The following LIPA variants were observed in gnomAD, a reference collection of about 807,000 sequenced individuals.
The protein encoded by LIPA is lysosomal acid lipase/cholesteryl ester hydrolase.
In LIPA, 26 loss-of-function variants were observed where a neutral mutation model predicts 40.6. The observed-to-expected ratio is 0.64, with a 90% CI of 0.47 to 0.89. The LOEUF is 0.89. Among genes scored for constraint, LIPA ranks in the 40% least tolerant of loss-of-function variants. The probability of loss-of-function intolerance (pLI) is 0.00; values close to 1 mark genes in which losing one functional copy is unlikely to be tolerated. For synonymous variants in LIPA, 188 were observed against 168.4 expected (o/e 1.12, Z -0.90); for missense variants, 455 against 479.6 (o/e 0.95, Z 0.48).
At chr10:89,352,024 G>C (rs551850820) in intron 2 of LIPA, among the ~76,000 whole-genome samples, 3 of 152,158 alleles carry the variant, frequency 2.0e-5, no homozygotes, top group Non-Finnish European at 4.4e-5. Context: ...GCCCGGCCAC[G>C]ATGGAATGTA....
intron 2 of LIPA, chr10:89,384,593 A>G (rs1468142778): frequency 6.2e-7 from 1 of 1,614,110 alleles, no homozygotes; most frequent in Non-Finnish European, 8.5e-7. Flanking sequence ...AAATTGGCTA[A>G]AAGATGTATT....
At chr10:89,413,325 C>G (rs1164426263) in intron 1 of LIPA, among the ~76,000 whole-genome samples, 2 of 152,082 alleles carry the variant, frequency 1.3e-5, no homozygotes, top group Non-Finnish European at 2.9e-5. Context: ...CTGTATAAGA[C>G]AGTACAACTG....
intron 1 of LIPA, among the ~76,000 whole-genome samples, chr10:89,304,612 T>C (rs894914776): frequency 6.6e-6 from 1 of 152,186 alleles, no homozygotes; most frequent in Non-Finnish European, 1.5e-5. Flanking sequence ...AAAAAAAATT[T>C]AAATAAGAAA....
At chr10:89,304,266 T>C (rs1537289) in intron 1 of LIPA, among the ~76,000 whole-genome samples, 100,846 of 152,086 alleles carry the variant, frequency 0.66, 35,556 homozygotes, top group East Asian at 0.98. Context: ...TAACCCCAGG[T>C]GCGGGAGCCC....
At chr10:89,300,757 C>T (rs754526831) in intron 1 of LIPA, among the ~76,000 whole-genome samples, 53 of 152,274 alleles carry the variant, frequency 3.5e-4, no homozygotes, top group African/African-American at 6.7e-4. Flanking sequence ...CAGGCCAAGG[C>T]GGGCAGATCA....
chr10:89,376,187 T>TAAAA (rs66954730), intron 2 of LIPA, among the ~76,000 whole-genome samples: 188 of 102,240 alleles, frequency 1.8e-3, no homozygotes, highest in African/African-American at 4.5e-3. Flanking sequence ...GACTCTATCT[T>TAAAA]AAAAAAAAAA....
At chr10:89,235,976 T>C (rs1842900292) in intron 3 of LIPA, among the ~76,000 whole-genome samples, 1 of 152,172 alleles carries the variant, frequency 6.6e-6, no homozygotes, top group African/African-American at 2.4e-5. Flanking sequence ...ATACATGGAT[T>C]TTTTTTCAAT....
chr10:89,393,401 T>C (rs1168659691), intron 2 of LIPA: 3 of 827,324 alleles, frequency 3.6e-6, no homozygotes, highest in Non-Finnish European at 3.3e-6. Flanking sequence ...CTTCCTTACC[T>C]AAAGGGCCTA....
chr10:89,313,669 T>C (rs1037412137), intron 1 of LIPA, among the ~76,000 whole-genome samples: 1 of 152,196 alleles, frequency 6.6e-6, no homozygotes, highest in African/African-American at 2.4e-5. Flanking sequence ...AAATTAAATA[T>C]GGTAGAGCCA....
chr10:89,367,007 G>A (rs1438643292), intron 2 of LIPA, among the ~76,000 whole-genome samples: 1 of 152,176 alleles, frequency 6.6e-6, no homozygotes, highest in African/African-American at 2.4e-5. Flanking sequence ...AAAAAAGGAT[G>A]AGCTCATGTC....
chr10:89,339,732 A>T, intron 1 of LIPA: 1 of 1,614,220 alleles, frequency 6.2e-7, no homozygotes, highest in Non-Finnish European at 8.5e-7. Context: ...AAAAGCAACA[A>T]TCCCATCAGC....
intron 1 of LIPA, among the ~76,000 whole-genome samples, chr10:89,259,520 C>A (rs1320242429): frequency 6.6e-6 from 1 of 152,174 alleles, no homozygotes; most frequent in African/African-American, 2.4e-5. Context: ...AGTATATCTA[C>A]CATATGGCCC....
intron 1 of LIPA, chr10:89,278,018 T>A (rs1432143889): frequency 2.6e-5 from 4 of 152,152 alleles, no homozygotes; most frequent in Admixed American, 6.5e-5. Flanking sequence ...TGAGAACCCC[T>A]CATACAATCC....
intron 1 of LIPA, chr10:89,283,674 C>T (rs1317155070): frequency 2.0e-5 from 3 of 152,254 alleles, no homozygotes; most frequent in Non-Finnish European, 4.4e-5. Context: ...AATCTCCTTT[C>T]CCTCCAGCAG....
chr10:89,366,331 C>T (rs936326808), intron 2 of LIPA, among the ~76,000 whole-genome samples: 2 of 152,154 alleles, frequency 1.3e-5, no homozygotes, highest in African/African-American at 4.8e-5. Flanking sequence ...TGCTTATCAG[C>T]TTAAGGAGCT....
intron 3 of LIPA, 81 bp from the exon 4 acceptor site, chr10:89,228,479 A>G: frequency 8.7e-7 from 1 of 1,154,020 alleles, no homozygotes; most frequent in Non-Finnish European, 1.3e-6. Context: ...GAACATTCGT[A>G]AAAGATCCAT....
chr10:89,288,424 C>T (rs1843353037), intron 1 of LIPA, among the ~76,000 whole-genome samples: 1 of 152,168 alleles, frequency 6.6e-6, no homozygotes, highest in South Asian at 2.1e-4. Flanking sequence ...CCTAACTCAT[C>T]CCAACCCTTT....
chr10:89,226,906 C>T lies in LIPA; in HGVS notation c.527G>A (p.Gly176Asp). ...EQVYYVGHSQ[G>D]TTIGFIAFSQ... ...ATTTACATACATACCTATAGTGGTG[C>T]CTTGAGAATGACCCACATAATACAC... Residue 176 changes from glycine to aspartate, a missense_variant, in exon 5 of 10, where the codon GGC becomes GAC. Gly to Asp is a moderately conservative substitution (Grantham distance 94, BLOSUM62 -1). Transcript: ENST00000336233. The T allele has an allele frequency of 6.4e-7, 1 of 1,571,344 alleles. No individual in the cohort carries two copies. Among genetic ancestry groups the T allele is most frequent in the Non-Finnish European group, 8.8e-7 (1 of 1,141,562 alleles).
At chr10:89,266,608 C>A (rs751512976) in intron 1 of LIPA, among the ~76,000 whole-genome samples, 3 of 152,160 alleles carry the variant, frequency 2.0e-5, no homozygotes, top group African/African-American at 7.2e-5. Flanking sequence ...CTTCTAGTCC[C>A]AAGCATTTTG....
Sources: gnomAD v4.1 joint callset for allele counts (sites outside exome capture counted in the v4.1 genomes callset) on GRCh38, gnomAD v4.1.1 for gene constraint, MANE v1.5 for transcripts, NCBI Gene and HGNC (gene_info 2026-07-23, HGNC 2026-07-21) for gene names.